FSTL5: variants seen among roughly 807,000 people sequenced by gnomAD.
FSTL5 encodes follistatin-related protein 5.
Under a neutral mutation model 89.1 loss-of-function variants are expected in FSTL5, and 62 were observed. The ratio of observed to expected loss-of-function variants is 0.70; its 90% confidence interval spans 0.57 to 0.86. The LOEUF is 0.86. FSTL5 is among the 40% of genes least tolerant of loss of function. FSTL5 has a pLI of 0.00. For synonymous variants in FSTL5, 383 were observed against 346.2 expected, an observed-to-expected ratio of 1.11 and a Z score of -1.18; for missense variants, 1,057 against 1,001.6, an observed-to-expected ratio of 1.06 and a Z score of -0.75.
At chr4:162,062,781 A>C (rs1344009077) in intron 2 of FSTL5, among the ~76,000 whole-genome samples, 1 of 151,444 alleles carries the variant, frequency 6.6e-6, no homozygotes, top group Admixed American at 6.6e-5. Context: ...CAATACTTTC[A>C]AATTTTTTCA....
intron 4 of FSTL5, among the ~76,000 whole-genome samples, chr4:161,898,698 C>T (rs1733251853): frequency 6.9e-6 from 1 of 144,918 alleles, no homozygotes; most frequent in Non-Finnish European, 1.5e-5. Context: ...GGCATGATCT[C>T]GGCTCACTGC....
intron 6 of FSTL5, among the ~76,000 whole-genome samples, chr4:161,738,104 T>C (rs999917233): frequency 1.3e-5 from 2 of 152,106 alleles, no homozygotes; most frequent in East Asian, 3.9e-4. Flanking sequence ...TAATAGTAAT[T>C]ATGTTACACA....
chr4:161,467,261 A>G (rs930949382), intron 13 of FSTL5, among the ~76,000 whole-genome samples: 14 of 152,110 alleles, frequency 9.2e-5, no homozygotes, highest in Admixed American at 3.9e-4. Context: ...GATTACAATT[A>G]GTATTCTTAG....
intron 4 of FSTL5, among the ~76,000 whole-genome samples, chr4:161,852,254 C>T (rs1250859523): frequency 2.6e-5 from 4 of 151,808 alleles, no homozygotes; most frequent in South Asian, 2.1e-4. Context: ...TATTAAAGGA[C>T]CTAAAATAGC....
intron 10 of FSTL5, among the ~76,000 whole-genome samples, chr4:161,517,983 TTGA>T (rs1730897544): frequency 6.6e-6 from 1 of 152,212 alleles, no homozygotes; most frequent in African/African-American, 2.4e-5. Flanking sequence ...TGAAATTTCT[TTGA>T]ATATACATAT....
chr4:161,920,493 A>T lies in FSTL5; in HGVS notation c.320T>A (p.Phe107Tyr). The change falls in exon 4 of 16, where the codon TTC (phenylalanine) becomes TAC (tyrosine). Residue 107 changes from phenylalanine (F) to tyrosine (Y), a missense_variant. By Grantham distance (22) the Phe-to-Tyr change is conservative. This residue lies in a region of FSTL5 where 980 missense variants were observed against 903.2 expected (regional missense o/e 1.08). Coordinates refer to ENST00000306100, the MANE Select transcript of FSTL5 (RefSeq NM_020116.5). ...GTGCACTTCACAGTGGTTTTCATAG[A>T]ATTCTCCGTCAGATCCACACACAGG... ...YKPVCGSDGE[F>Y]YENHCEVHRA... 6.2e-7 allele frequency: 1 copy of T among 1,613,106 alleles called. No individual in the cohort carries two copies. The highest frequency in any genetic ancestry group is 1.3e-5 in the African/African-American group (1 of 74,640).
chr4:162,050,666 TA>T (rs1403122723), intron 2 of FSTL5, among the ~76,000 whole-genome samples: 5 of 150,994 alleles, frequency 3.3e-5, no homozygotes, highest in Middle Eastern at 3.4e-3. Flanking sequence ...ATATTTTACT[TA>T]AATAGCATAA....
intron 4 of FSTL5, among the ~76,000 whole-genome samples, chr4:161,829,841 C>A (rs1256155301): frequency 6.6e-6 from 1 of 152,062 alleles, no homozygotes; most frequent in Non-Finnish European, 1.5e-5. Flanking sequence ...ATCTCAGACA[C>A]ATCCTGCCAA....
chr4:161,613,023 G>T (rs1296983214), intron 7 of FSTL5, among the ~76,000 whole-genome samples: 1 of 152,084 alleles, frequency 6.6e-6, no homozygotes, highest in African/African-American at 2.4e-5. Flanking sequence ...AAATTAGATA[G>T]TAAGAGATCT....
chr4:161,531,440 C>A (rs1015328595), intron 10 of FSTL5, among the ~76,000 whole-genome samples: 4 of 152,130 alleles, frequency 2.6e-5, no homozygotes, highest in East Asian at 1.9e-4. Flanking sequence ...TTATTTACCC[C>A]CAAAGTTACA....
At chr4:161,421,826 T>G (rs1213056503) in intron 15 of FSTL5, among the ~76,000 whole-genome samples, 1 of 152,164 alleles carries the variant, frequency 6.6e-6, no homozygotes, top group Non-Finnish European at 1.5e-5. Context: ...CCGTAAATGC[T>G]CTTGATTCTC....
intron 14 of FSTL5, among the ~76,000 whole-genome samples, chr4:161,457,751 T>A (rs1454322692): frequency 6.6e-6 from 1 of 152,130 alleles, no homozygotes; most frequent in Non-Finnish European, 1.5e-5. Flanking sequence ...CATATATATA[T>A]TGACCTGTTT....
At chr4:162,150,581 A>G (rs1370723633) in intron 1 of FSTL5, among the ~76,000 whole-genome samples, 1 of 152,186 alleles carries the variant, frequency 6.6e-6, no homozygotes, top group Non-Finnish European at 1.5e-5. Context: ...TTACTACCAG[A>G]AAAAAACATT....
At chr4:161,717,378 A>T (rs1739024103) in intron 6 of FSTL5, among the ~76,000 whole-genome samples, 1 of 152,152 alleles carries the variant, frequency 6.6e-6, no homozygotes, top group Non-Finnish European at 1.5e-5. Context: ...TGTCAGTAGC[A>T]AGTCTATGTT....
chr4:161,543,384 A>C (rs1731899240), intron 8 of FSTL5, among the ~76,000 whole-genome samples: 1 of 151,966 alleles, frequency 6.6e-6, no homozygotes, highest in African/African-American at 2.4e-5. Context: ...CATACTCCCA[A>C]GTTGACAAAG....
At chr4:161,766,902 AGATCGATT>A (rs1159278083) in intron 5 of FSTL5, among the ~76,000 whole-genome samples, 154 of 109,466 alleles carry the variant, frequency 1.4e-3, no homozygotes, top group African/African-American at 5.5e-3. Context: ...AATAGATGAT[AGATCGATT>A]GATAGATAGA....
chr4:161,829,083 A>G (rs1730757563), intron 4 of FSTL5, among the ~76,000 whole-genome samples: 1 of 149,636 alleles, frequency 6.7e-6, no homozygotes, highest in South Asian at 2.1e-4. Flanking sequence ...GATACTTGAT[A>G]AATGTAATTT....
chr4:161,951,979 C>T (rs780112910), intron 3 of FSTL5, among the ~76,000 whole-genome samples: 2 of 151,956 alleles, frequency 1.3e-5, no homozygotes, highest in African/African-American at 2.4e-5. Flanking sequence ...CCTTAACTCA[C>T]TTGAAATATT....
intron 3 of FSTL5, among the ~76,000 whole-genome samples, chr4:162,031,015 C>T (rs973984775): frequency 2.0e-5 from 3 of 152,120 alleles, no homozygotes; most frequent in African/African-American, 7.2e-5. Context: ...CATGTTTTAT[C>T]TGTTGTGTTA....
Sources: gnomAD v4.1 joint callset for allele counts (sites outside exome capture counted in the v4.1 genomes callset) on GRCh38, gnomAD v4.1.1 for gene constraint, gnomAD v4.1.1 regional missense constraint, MANE v1.5 for transcripts, NCBI Gene and HGNC (gene_info 2026-07-23, HGNC 2026-07-21) for gene names.